OR10J1: variants seen among roughly 807,000 people sequenced by gnomAD.
The protein encoded by OR10J1 is olfactory receptor 10J1.
For synonymous variants in OR10J1, 202 were observed against 143.8 expected (o/e 1.40, Z -2.89); for missense variants, 474 against 376.6 (o/e 1.26, Z -2.14).
the OR10J1 span, among the ~76,000 whole-genome samples, chr1:159,421,695 T>A: frequency 0.026 from 4,020 of 152,244 alleles, 173 homozygotes; most frequent in African/African-American, 0.092. Flanking sequence ...CAGTGGCTTA[T>A]GGTGTAGTAG....
the OR10J1 span, among the ~76,000 whole-genome samples, chr1:159,406,969 C>T: frequency 3.3e-5 from 5 of 152,062 alleles, no homozygotes; most frequent in Admixed American, 1.3e-4. Flanking sequence ...ACCCAAACTA[C>T]AATAGTGGCC....
the OR10J1 span, among the ~76,000 whole-genome samples, chr1:159,411,389 G>A: frequency 6.6e-6 from 1 of 152,040 alleles, no homozygotes; most frequent in Non-Finnish European, 1.5e-5. Context: ...CTCCTGTATT[G>A]GGTGCATATA....
the OR10J1 span, among the ~76,000 whole-genome samples, chr1:159,407,271 T>C: frequency 6.6e-6 from 1 of 152,252 alleles, no homozygotes; most frequent in East Asian, 1.9e-4. Context: ...CAGTATGTAC[T>C]CTGAAGCCAC....
the OR10J1 span, among the ~76,000 whole-genome samples, chr1:159,409,057 C>G: frequency 2.6e-5 from 4 of 152,140 alleles, no homozygotes; most frequent in African/African-American, 4.8e-5. Flanking sequence ...CATGTACTTC[C>G]TAGTATTGTG....
chr1:159,417,157 G>C, the OR10J1 span, among the ~76,000 whole-genome samples: 2 of 151,812 alleles, frequency 1.3e-5, no homozygotes, highest in African/African-American at 4.8e-5. Context: ...TAAATCATTA[G>C]ATTGTTTATT....
At chr1:159,408,983 G>A in the OR10J1 span, among the ~76,000 whole-genome samples, 1 of 152,000 alleles carries the variant, frequency 6.6e-6, no homozygotes, top group Non-Finnish European at 1.5e-5. Flanking sequence ...ATGACCCTGG[G>A]ATTGAAAAGC....
chr1:159,404,776 C>T, the OR10J1 span, among the ~76,000 whole-genome samples: 8 of 152,066 alleles, frequency 5.3e-5, no homozygotes, highest in Admixed American at 4.6e-4. Context: ...TGTGCCTGGG[C>T]AGATAAATTC....
upstream of OR10J1, among the ~76,000 whole-genome samples, chr1:159,438,935 A>T (rs1414640749): frequency 6.6e-6 from 1 of 152,162 alleles, no homozygotes; most frequent in African/African-American, 2.4e-5. Flanking sequence ...AATTTGCTGT[A>T]TCTTTCCTGA....
the OR10J1 span, among the ~76,000 whole-genome samples, chr1:159,398,261 A>G: frequency 6.6e-6 from 1 of 152,206 alleles, no homozygotes; most frequent in African/African-American, 2.4e-5. Flanking sequence ...ATATCTGGAA[A>G]GCCTTCTCAA....
the OR10J1 span, among the ~76,000 whole-genome samples, chr1:159,429,318 A>G: frequency 1.3e-5 from 2 of 152,200 alleles, no homozygotes; most frequent in African/African-American, 4.8e-5. Context: ...CAGTAAATGA[A>G]TGAGTCATGG....
At chr1:159,425,682 T>C in the OR10J1 span, among the ~76,000 whole-genome samples, 1 of 152,072 alleles carries the variant, frequency 6.6e-6, no homozygotes, top group Non-Finnish European at 1.5e-5. Flanking sequence ...ATAATGTATG[T>C]TCTGAAAATA....
At chr1:159,429,608 T>A in the OR10J1 span, among the ~76,000 whole-genome samples, 1 of 152,142 alleles carries the variant, frequency 6.6e-6, no homozygotes, top group East Asian at 1.9e-4. Context: ...TTATAATGAG[T>A]TCCCCAGACA....
chr1:159,431,505 T>C, the OR10J1 span, among the ~76,000 whole-genome samples: 1 of 152,316 alleles, frequency 6.6e-6, no homozygotes, highest in Non-Finnish European at 1.5e-5. Context: ...TGACGAGCAA[T>C]GTGCCATTGG....
chr1:159,416,574 G>A, the OR10J1 span, among the ~76,000 whole-genome samples: 11 of 151,566 alleles, frequency 7.3e-5, no homozygotes, highest in African/African-American at 2.4e-4. Context: ...TCTGGTTTTA[G>A]TATTAGGGTA....
chr1:159,420,910 T>C, the OR10J1 span, among the ~76,000 whole-genome samples: 12 of 152,234 alleles, frequency 7.9e-5, no homozygotes, highest in African/African-American at 2.9e-4. Flanking sequence ...TTGTGAATCT[T>C]TGAGACTCCT....
chr1:159,423,379 T>A, the OR10J1 span, among the ~76,000 whole-genome samples: 1 of 152,200 alleles, frequency 6.6e-6, no homozygotes, highest in Admixed American at 6.5e-5. Flanking sequence ...GCACTGATGA[T>A]CCATTGATCT....
At chr1:159,425,028 T>A in the OR10J1 span, among the ~76,000 whole-genome samples, 1 of 152,166 alleles carries the variant, frequency 6.6e-6, no homozygotes, top group Non-Finnish European at 1.5e-5. Context: ...GAAATTAGAC[T>A]TTTCAACAAT....
chr1:159,433,172 G>A (rs776915030), upstream of OR10J1: 1 of 398,984 alleles, frequency 2.5e-6, no homozygotes, highest in Non-Finnish European at 4.4e-6. Context: ...CAAAGAAAAA[G>A]AGTTTGATGA....
chr1:159,413,163 G>A, the OR10J1 span, among the ~76,000 whole-genome samples: 1 of 152,144 alleles, frequency 6.6e-6, no homozygotes, highest in African/African-American at 2.4e-5. Context: ...TTGTTAGAAT[G>A]GCAATCATTA....
Sources: gnomAD v4.1 joint callset for allele counts (sites outside exome capture counted in the v4.1 genomes callset) on GRCh38, gnomAD v4.1.1 for gene constraint, MANE v1.5 for transcripts, NCBI Gene and HGNC (gene_info 2026-07-23, HGNC 2026-07-21) for gene names.